Variants in PDE12 observed in about 807,000 individuals in gnomAD.
PDE12 encodes 2',5'-phosphodiesterase 12.
A neutral mutation model predicts 45.4 loss-of-function variants in PDE12; 26 were observed. That is an observed-to-expected ratio of 0.57 (90% CI 0.42 to 0.79). The LOEUF is 0.79. Among genes scored for constraint, PDE12 ranks in the 30% least tolerant of loss-of-function variants. PDE12 has a pLI of 0.00. For synonymous variants in PDE12, 283 were observed against 323.9 expected, an observed-to-expected ratio of 0.87 and a Z score of 1.36; for missense variants, 668 against 790.0, an observed-to-expected ratio of 0.85 and a Z score of 1.85.
At chr3:57,600,379 CTCTT>C in the PDE12 span, among the ~76,000 whole-genome samples, 3 of 150,184 alleles carry the variant, frequency 2.0e-5, no homozygotes, top group African/African-American at 7.3e-5. Context: ...TTCTTTCTTT[CTCTT>C]TCTTTTCTTT....
the PDE12 span, among the ~76,000 whole-genome samples, chr3:57,616,389 A>AGGCAGGGGGGAGG: frequency 1.8e-5 from 2 of 112,750 alleles, no homozygotes; most frequent in African/African-American, 6.2e-5. Flanking sequence ...GGAGGAGGAG[A>AGGCAGGGGGGAGG]AGGAGAAGAA....
chr3:57,577,420 G>T, the PDE12 span: 1 of 1,539,232 alleles, frequency 6.5e-7, no homozygotes, highest in Non-Finnish European at 9.0e-7. Context: ...AATTTTAACA[G>T]TTAAACGACA....
the PDE12 span, among the ~76,000 whole-genome samples, chr3:57,625,228 T>C: frequency 6.6e-6 from 1 of 152,290 alleles, no homozygotes; most frequent in East Asian, 1.9e-4. Context: ...GAATATTTCA[T>C]AAAATCAATG....
chr3:57,651,194 G>A, the PDE12 span, among the ~76,000 whole-genome samples: 4 of 152,178 alleles, frequency 2.6e-5, no homozygotes, highest in African/African-American at 4.8e-5. Context: ...AAAGCAGTAC[G>A]CATTCAGTAT....
the PDE12 span, chr3:57,627,075 A>T: frequency 1.3e-5 from 2 of 152,214 alleles, no homozygotes; most frequent in African/African-American, 4.8e-5. Context: ...ATTTATAATT[A>T]AAATGTCTTT....
the PDE12 span, among the ~76,000 whole-genome samples, chr3:57,574,572 G>A: frequency 6.6e-6 from 1 of 152,062 alleles, no homozygotes; most frequent in Non-Finnish European, 1.5e-5. Flanking sequence ...ACCACACCCA[G>A]CTAATTTTTA....
chr3:57,655,590 T>G, the PDE12 span, among the ~76,000 whole-genome samples: 1 of 152,188 alleles, frequency 6.6e-6, no homozygotes, highest in Non-Finnish European at 1.5e-5. Context: ...CAAAATGCAA[T>G]CAAAATTTAG....
intron 1 of PDE12, 85 bp downstream of exon 1, chr3:57,557,772 C>A: frequency 1.7e-6 from 2 of 1,185,698 alleles, no homozygotes; most frequent in Non-Finnish European, 2.4e-6. Flanking sequence ...GTTAAAAGTG[C>A]GATGAAAGTA....
the PDE12 span, among the ~76,000 whole-genome samples, chr3:57,653,955 T>C: frequency 3.1e-5 from 4 of 127,798 alleles, no homozygotes; most frequent in Non-Finnish European, 5.1e-5. Context: ...TTTTTTTTTT[T>C]TTTTTTTTTT....
rs753385021 is a variant in PDE12, at chr3:57,557,103, A to C, written c.724A>C (p.Ile242Leu). 2 of 1,614,048 alleles carry C rather than the reference A, an allele frequency of 1.2e-6. No individual in the cohort carries two copies. The highest frequency in any genetic ancestry group is 1.7e-6 in the Non-Finnish European group (2 of 1,180,012). Residue 242 changes from isoleucine (I) to leucine (L), a missense_variant, in exon 1 of 3, where the codon ATC (isoleucine) becomes CTC (leucine). Physicochemically the swap from Ile to Leu is conservative, Grantham distance 5. Coordinates refer to ENST00000311180, the MANE Select transcript of PDE12 (RefSeq NM_177966.7). ...TGTCTACACCCCGTCCAATGCCGAC[A>C]TCGGGCTAAGGCTCAAGCTTCACTG... ...ERVYTPSNAD[I>L]GLRLKLHCTP...
the PDE12 span, among the ~76,000 whole-genome samples, chr3:57,608,564 CAAAAA>C: frequency 6.6e-6 from 1 of 150,974 alleles, no homozygotes; most frequent in Non-Finnish European, 1.5e-5. Flanking sequence ...AAATGGAAAA[CAAAAA>C]AAGGCAGGGG....
chr3:57,604,630 T>TGGG, the PDE12 span, among the ~76,000 whole-genome samples: 1 of 21,212 alleles, frequency 4.7e-5, no homozygotes, highest in Non-Finnish European at 8.1e-5. Context: ...GGGGGGTGGG[T>TGGG]GGGACAGAGT....
chr3:57,587,251 G>A, the PDE12 span, among the ~76,000 whole-genome samples: 3 of 150,168 alleles, frequency 2.0e-5, no homozygotes, highest in Admixed American at 6.7e-5. Context: ...CCCAGGAGGC[G>A]GATGTTGCAG....
the PDE12 span, among the ~76,000 whole-genome samples, chr3:57,606,959 C>T: frequency 2.0e-5 from 3 of 152,248 alleles, no homozygotes; most frequent in Admixed American, 6.5e-5. Context: ...TCAAGTGGGT[C>T]CCTGACCCCC....
the PDE12 span, among the ~76,000 whole-genome samples, chr3:57,587,002 A>G: frequency 2.0e-5 from 3 of 152,046 alleles, no homozygotes; most frequent in Non-Finnish European, 2.9e-5. Context: ...CGGAGGTCCA[A>G]CTGGACCTCA....
chr3:57,578,628 T>C, the PDE12 span, among the ~76,000 whole-genome samples: 1 of 151,942 alleles, frequency 6.6e-6, no homozygotes, highest in Non-Finnish European at 1.5e-5. Flanking sequence ...TACAGGTGCG[T>C]GCCACCACAC....
the PDE12 span, among the ~76,000 whole-genome samples, chr3:57,609,066 G>A: frequency 2.0e-5 from 3 of 151,980 alleles, no homozygotes; most frequent in African/African-American, 7.3e-5. Context: ...AAACTAGAAC[G>A]CAGGATTAAG....
chr3:57,567,293 C>T (rs981356555), downstream of PDE12, among the ~76,000 whole-genome samples: 9 of 149,734 alleles, frequency 6.0e-5, no homozygotes, highest in African/African-American at 2.2e-4. Flanking sequence ...GCCTGGGTGA[C>T]AGAGCACGAC....
the PDE12 span, among the ~76,000 whole-genome samples, chr3:57,637,919 A>G: frequency 6.6e-6 from 1 of 151,990 alleles, no homozygotes; most frequent in Non-Finnish European, 1.5e-5. Context: ...GTGGATCACG[A>G]GGTCAGGAAT....
Sources: gnomAD v4.1 joint callset for allele counts (sites outside exome capture counted in the v4.1 genomes callset) on GRCh38, gnomAD v4.1.1 for gene constraint, MANE v1.5 for transcripts, NCBI Gene and HGNC (gene_info 2026-07-23, HGNC 2026-07-21) for gene names.